Variants in USP8 observed in about 807,000 individuals in gnomAD.
USP8 encodes ubiquitin specific peptidase 8, also known as ubiquitin carboxyl-terminal hydrolase 8.
In USP8, 27 loss-of-function variants were observed where a neutral mutation model predicts 130.0. The ratio of observed to expected loss-of-function variants is 0.21; its 90% confidence interval spans 0.15 to 0.29. The LOEUF (loss-of-function observed/expected upper bound fraction) is 0.29. Among genes scored for constraint, USP8 ranks in the 10% least tolerant of loss-of-function variants. USP8 has a pLI of 1.00. For synonymous variants in USP8, 392 were observed against 444.1 expected (o/e 0.88, Z 1.48); for missense variants, 1,029 against 1,312.2 (o/e 0.78, Z 3.33).
At chr15:50,477,097 G>C in intron 9 of USP8, 104 bp downstream of exon 9, 3 of 1,462,662 alleles carry the variant, frequency 2.1e-6, no homozygotes, top group Non-Finnish European at 2.8e-6. Flanking sequence ...TCCTATTAGA[G>C]AGCAGTTTGT....
In USP8 at chr15:50,490,259, T is replaced by G. The variant is rs369725801; in HGVS notation, c.1972-4T>G. On this transcript the variant is annotated splice_region_variant and splice_polypyrimidine_tract_variant and intron_variant, in intron 13 of 19. Coordinates refer to ENST00000307179, the MANE Select transcript of USP8 (RefSeq NM_005154.5). The stretch of plus-strand genomic sequence containing the variant: ...CCTGTTTTTTTTTTTCTTTTCCATC[T>G]AAGTTTCTTGACCCAATCACTGGAA... 23 of 1,586,846 alleles carry G rather than the reference T, an allele frequency of 1.4e-5. No individual in the cohort carries two copies. Among genetic ancestry groups the G allele is most frequent in the Non-Finnish European group, 1.7e-5 (20 of 1,170,786 alleles).
At chr15:50,485,550 ATTTTTTTTTT>A (rs71424071) in intron 12 of USP8, among the ~76,000 whole-genome samples, 115 of 27,948 alleles carry the variant, frequency 4.1e-3, no homozygotes, top group African/African-American at 0.012. Context: ...CAGTTTAGTG[ATTTTTTTTTT>A]TTTTTTTTTT....
At position 50,472,479 on chromosome 15, in the gene USP8, C is replaced by T. The variant is rs2051413218; in HGVS notation, c.849+684C>T. ...GGGCGCAGTGGCGGGGGCCTGTAGTCCCAGCTACTCGGGAGGCTGAGGCAG... is the reference window on the plus strand; with the variant it reads ...GGGCGCAGTGGCGGGGGCCTGTAGTTCCAGCTACTCGGGAGGCTGAGGCAG... On this transcript the variant is annotated intron_variant, in intron 8 of 19. Transcript: ENST00000307179. 2.0e-5 allele frequency among the ~76,000 whole-genome samples: 3 copies of T among 151,606 alleles called. No individual in the cohort carries two copies. The South Asian group carries it at 6.3e-4, about 32-fold the overall frequency.
rs2052680850 is a variant in USP8 at position 50,507,717 on chromosome 15, A to G, written c.*8629A>G. ...TTAGTATAGATACAGCTTTTACAAT[A>G]TATACTTAGATGAGTATCTGACTCC... On this transcript the variant is annotated 3_prime_UTR_variant, in exon 20 of 20. Coordinates refer to ENST00000307179, the MANE Select transcript of USP8 (RefSeq NM_005154.5). 1 of 152,160 alleles carries G rather than the reference A, an allele frequency of 6.6e-6. No individual in the cohort carries two copies. Among genetic ancestry groups the G allele is most frequent in the African/African-American group, 2.4e-5 (1 of 41,426 alleles). The allele number at this position is 152,160 out of a possible 1,614,324, so 9.4% of individuals were successfully genotyped here.
At chr15:50,461,501 CCATGGATAA>C (rs2051003415) in intron 5 of USP8, among the ~76,000 whole-genome samples, 1 of 151,654 alleles carries the variant, frequency 6.6e-6, no homozygotes, top group Non-Finnish European at 1.5e-5. Flanking sequence ...CTTTGTTTCC[CCATGGATAA>C]AATGAGTTAG....
At position 50,500,127 on chromosome 15, in the gene USP8, C is replaced by T. The variant is rs2052555738; in HGVS notation, c.*1039C>T. 1 of 152,074 alleles carries T rather than the reference C, an allele frequency of 6.6e-6. No individual in the cohort carries two copies. The highest frequency in any genetic ancestry group is 2.4e-5 in the African/African-American group (1 of 41,418). 9.4% of individuals were successfully genotyped at this position (152,074 alleles called of 1,614,324 possible). On this transcript the variant is annotated 3_prime_UTR_variant, in exon 20 of 20. Transcript: ENST00000307179. ...TTCTAAAAGTGCTTCAGAAAGAGAC[C>T]ACCATTAGCAGGCTCTCAGGGAGAA...
At position 50,498,604 on chromosome 15, in the gene USP8, A is replaced by G. The variant is rs769672286; in HGVS notation, c.3047A>G (p.Tyr1016Cys). The G allele has an allele frequency of 8.1e-6, 13 of 1,607,506 alleles. No individual in the cohort carries two copies. The highest frequency in any genetic ancestry group is 6.7e-5 in the East Asian group (3 of 44,792). The part of the protein sequence containing the change: ...VLLVHLKRFS[Y>C]DGRWKQKLQT... Reference sequence around the variant, plus strand: ...AATGTTTTGTTCTGCAGTTTTTCCTACGATGGCAGGTGGAAACAAAAATTA... The same window carrying G: ...AATGTTTTGTTCTGCAGTTTTTCCTGCGATGGCAGGTGGAAACAAAAATTA... Residue 1016 changes from tyrosine (Y) to cysteine (C), a missense_variant, in exon 19 of 20, where the codon TAC (tyrosine) becomes TGC (cysteine). By Grantham distance (194) the Tyr-to-Cys change is radical. Coordinates refer to ENST00000307179, the MANE Select transcript of USP8 (RefSeq NM_005154.5).
chr15:50,509,937 A>G lies in USP8; in HGVS notation c.*10849A>G, dbSNP rs181829817. 6 of 152,272 alleles carry G rather than the reference A, an allele frequency of 3.9e-5. No individual in the cohort carries two copies. The East Asian group carries it at 1.2e-3, about 29-fold the overall frequency. 9.4% of individuals were successfully genotyped at this position (152,272 alleles called of 1,614,324 possible). A position where few individuals can be genotyped will look rare whatever the true frequency, so the allele number is the denominator to read the frequency against. On this transcript the variant is annotated 3_prime_UTR_variant, in exon 20 of 20. Transcript: ENST00000307179. ...AAAATAAGAATAAAGTTGTGATGGTAATGACTTAGGGAATAATGATGGTTC... is the reference window on the plus strand; with the variant it reads ...AAAATAAGAATAAAGTTGTGATGGTGATGACTTAGGGAATAATGATGGTTC...
At chr15:50,459,298 T>C in intron 5 of USP8, 136 bp downstream of exon 5, 2 of 1,287,422 alleles carry the variant, frequency 1.6e-6, no homozygotes, top group South Asian at 3.3e-5. Context: ...AGAAATTTAT[T>C]TAAGGCTGGG....
intron 7 of USP8, among the ~76,000 whole-genome samples, chr15:50,470,707 A>G (rs571769144): frequency 9.9e-5 from 15 of 151,800 alleles, no homozygotes; most frequent in Middle Eastern, 3.4e-3. Flanking sequence ...GGTTCAAGCA[A>G]TTCTGCCTCA....
rs1279145821 is a variant in USP8 at position 50,490,002 on chromosome 15, T to C, written c.1971+121T>C. On this transcript the variant is annotated intron_variant, in intron 13 of 19. Coordinates refer to ENST00000307179, the MANE Select transcript of USP8 (RefSeq NM_005154.5). The stretch of plus-strand genomic sequence containing the variant: ...TTTCTCCATTATAGAGAACATAGCT[T>C]ATTCCCCTAATTATAACAGGGTGAG... The C allele has an allele frequency of 2.4e-5, 22 of 922,970 alleles. No individual in the cohort carries two copies. The East Asian group carries it at 5.9e-4, about 25-fold the overall frequency. The allele number at this position is 922,970 out of a possible 1,614,324, so 57.2% of individuals were successfully genotyped here. A position where few individuals can be genotyped will look rare whatever the true frequency, so the allele number is the denominator to read the frequency against.
intron 1 of USP8, among the ~76,000 whole-genome samples, chr15:50,436,993 T>G (rs1256874418): frequency 6.7e-6 from 1 of 148,388 alleles, no homozygotes; most frequent in Non-Finnish European, 1.5e-5. Context: ...TCTTTTTTTT[T>G]TAAATCAATA....
intron 10 of USP8, among the ~76,000 whole-genome samples, chr15:50,481,012 T>C (rs1391357367): frequency 6.6e-6 from 1 of 150,802 alleles, no homozygotes; most frequent in East Asian, 2.0e-4. Flanking sequence ...TGTGCAACTA[T>C]TGGGAGAGTG....
chr15:50,442,093 G>A (rs556768396), intron 3 of USP8, among the ~76,000 whole-genome samples: 1 of 148,560 alleles, frequency 6.7e-6, no homozygotes, highest in Non-Finnish European at 1.5e-5. Context: ...TCCTGCCTCA[G>A]CCTCCCGAGT....
At chr15:50,485,988 T>C (rs371398330) in intron 12 of USP8, among the ~76,000 whole-genome samples, 1 of 152,170 alleles carries the variant, frequency 6.6e-6, no homozygotes, top group Non-Finnish European at 1.5e-5. Context: ...CCCAGAGTTA[T>C]TTTTTTCAAG....
rs144181227 is a variant in USP8, at chr15:50,506,026, T to G, written c.*6938T>G. On this transcript the variant is annotated 3_prime_UTR_variant, in exon 20 of 20. Coordinates refer to ENST00000307179, the MANE Select transcript of USP8 (RefSeq NM_005154.5). ...TTACAGTGTTCTAAGAGCTTTCCAT[T>G]TCTTTGGGAGCAGAGTATAAAGATC... is the stretch of plus-strand genomic sequence containing the variant. 10 of 152,352 alleles carry G rather than the reference T, an allele frequency of 6.6e-5. No individual in the cohort carries two copies. The East Asian group carries it at 1.9e-3, about 29-fold the overall frequency. The allele number at this position is 152,352 out of a possible 1,614,324, so 9.4% of individuals were successfully genotyped here.
Position 50,503,425 on chromosome 15 carries a change from C to T in USP8, c.*4337C>T, listed in dbSNP as rs994479855. On this transcript the variant is annotated 3_prime_UTR_variant, in exon 20 of 20. Coordinates refer to ENST00000307179, the MANE Select transcript of USP8 (RefSeq NM_005154.5). ...CCCTAGTTTCTGTAACCAGTATGCT[C>T]GGGTTTTAAAGGTCACGCAAGGACA... 1.4e-4 allele frequency: 22 copies of T among 152,182 alleles called. No individual in the cohort carries two copies. The highest frequency in any genetic ancestry group is 4.6e-4 in the African/African-American group (19 of 41,418). 9.4% of individuals were successfully genotyped at this position (152,182 alleles called of 1,614,324 possible).
intron 2 of USP8, among the ~76,000 whole-genome samples, chr15:50,439,830 T>A (rs1050932432): frequency 4.1e-5 from 4 of 97,340 alleles, no homozygotes; most frequent in East Asian, 9.7e-4. Flanking sequence ...TAATAATAAT[T>A]TTTTTTTTCC....
At chr15:50,453,362 A>G (rs796510312) in intron 4 of USP8, among the ~76,000 whole-genome samples, 52 of 152,278 alleles carry the variant, frequency 3.4e-4, no homozygotes, top group African/African-American at 1.2e-3. Flanking sequence ...TTTATAATTT[A>G]TTTTGAAATA....
Sources: allele counts gnomAD v4.1 joint callset (sites outside exome capture counted in the v4.1 genomes callset), GRCh38; gene constraint gnomAD v4.1.1; transcripts MANE v1.5; gene names NCBI Gene and HGNC (gene_info 2026-07-23, HGNC 2026-07-21).